CPPED1: variants seen among roughly 807,000 people sequenced by gnomAD.
CPPED1 encodes the protein calcineurin like phosphoesterase domain containing 1.
Under a neutral mutation model 28.0 loss-of-function variants are expected in CPPED1, and 28 were observed. The ratio of observed to expected loss-of-function variants is 1.00; its 90% CI spans 0.74 to 1.37. The LOEUF is 1.37. Among genes scored for constraint, CPPED1 ranks in the 40% most tolerant of loss-of-function variants. CPPED1 has a pLI of 0.00. For synonymous variants in CPPED1, 198 were observed against 180.2 expected (o/e 1.10, Z -0.79); for missense variants, 504 against 416.5 (o/e 1.21, Z -1.83).
rs189241288 is a variant in CPPED1 at position 12,748,555 on chromosome 16, A to G, written c.289+32630T>C. Among the ~76,000 whole-genome samples, 3 of 152,312 alleles carry G rather than the reference A, an allele frequency of 2.0e-5. No individual in the cohort carries two copies. The East Asian group carries it at 5.8e-4, about 29-fold the overall frequency. On this transcript the variant is annotated intron_variant, in intron 2 of 3. Coordinates refer to ENST00000381774, the MANE Select transcript of CPPED1 (RefSeq NM_018340.3). ...CAAATTCTTTGGTTTCCCAGTGCAT[A>G]TAAAAGTTATATTTACACTCCGCTG... is the stretch of plus-strand genomic sequence containing the variant.
intron 2 of CPPED1, among the ~76,000 whole-genome samples, chr16:12,738,441 G>GCA (rs138060223): frequency 3.3e-5 from 5 of 150,790 alleles, no homozygotes; most frequent in African/African-American, 4.9e-5. Context: ...ACACACTCGC[G>GCA]CACACACACA....
At chr16:12,801,845 A>T (rs1026665053) in intron 1 of CPPED1, among the ~76,000 whole-genome samples, 1 of 152,196 alleles carries the variant, frequency 6.6e-6, no homozygotes, top group African/African-American at 2.4e-5. Flanking sequence ...ACCCAAGGTT[A>T]GAAAAGCAGA....
At chr16:12,706,038 C>T (rs180806396) in intron 2 of CPPED1, among the ~76,000 whole-genome samples, 145 of 152,126 alleles carry the variant, frequency 9.5e-4, no homozygotes, top group African/African-American at 3.4e-3. Context: ...CATTGTTAGA[C>T]GTGTAAGAGT....
intron 2 of CPPED1, among the ~76,000 whole-genome samples, chr16:12,776,342 C>T (rs1288180180): frequency 6.6e-6 from 1 of 152,206 alleles, no homozygotes; most frequent in Non-Finnish European, 1.5e-5. Context: ...TTTGATTCCA[C>T]TAAGTTGGTG....
rs551145822 is a variant in CPPED1, at chr16:12,770,171, T to C, written c.289+11014A>G. Among the ~76,000 whole-genome samples the C allele has an allele frequency of 1.7e-4, 26 of 152,304 alleles. No homozygotes were observed. In the South Asian group the frequency reaches 2.3e-3, roughly 13 times the overall value. On this transcript the variant is annotated intron_variant, in intron 2 of 3. Coordinates refer to ENST00000381774, the MANE Select transcript of CPPED1 (RefSeq NM_018340.3). Reference sequence around the variant, plus strand: ...TGGAAGAAAAGTCCTGGTCAGTCCCTGTCCCTGAGAGATGTTCCCCAGAGA... The same window carrying C: ...TGGAAGAAAAGTCCTGGTCAGTCCCCGTCCCTGAGAGATGTTCCCCAGAGA...
chr16:12,696,318 C>T (rs1202259718), intron 3 of CPPED1, among the ~76,000 whole-genome samples: 1 of 152,112 alleles, frequency 6.6e-6, no homozygotes, highest in Non-Finnish European at 1.5e-5. Flanking sequence ...GCCGGTCTAG[C>T]TAATGGATAA....
chr16:12,701,907 G>A (rs2080022726), intron 3 of CPPED1, among the ~76,000 whole-genome samples: 1 of 152,208 alleles, frequency 6.6e-6, no homozygotes, highest in Non-Finnish European at 1.5e-5. Flanking sequence ...ATGTCACTGA[G>A]AGTGGAATAA....
At chr16:12,737,957 G>C (rs1198643128) in intron 2 of CPPED1, among the ~76,000 whole-genome samples, 1 of 152,172 alleles carries the variant, frequency 6.6e-6, no homozygotes, top group African/African-American at 2.4e-5. Context: ...GTTCTACCAG[G>C]ACAAAGTCAT....
intron 2 of CPPED1, among the ~76,000 whole-genome samples, chr16:12,761,828 T>C (rs1345407009): frequency 6.6e-6 from 1 of 152,088 alleles, no homozygotes; most frequent in Non-Finnish European, 1.5e-5. Context: ...TTGGCCAACA[T>C]GGCAAAACCT....
At chr16:12,731,156 T>A (rs71386717) in intron 2 of CPPED1, among the ~76,000 whole-genome samples, 21 of 26,738 alleles carry the variant, frequency 7.9e-4, no homozygotes, top group East Asian at 1.9e-3. Context: ...AAAAAAAAAA[T>A]TTTTTTTTTT....
intron 2 of CPPED1, among the ~76,000 whole-genome samples, chr16:12,738,218 G>C (rs985900916): frequency 3.9e-5 from 6 of 152,170 alleles, no homozygotes; most frequent in Non-Finnish European, 7.4e-5. Flanking sequence ...ATAATAAGGA[G>C]GTTGTTGATA....
intron 3 of CPPED1, among the ~76,000 whole-genome samples, chr16:12,669,691 G>T (rs1310969810): frequency 6.6e-6 from 1 of 152,136 alleles, no homozygotes; most frequent in Non-Finnish European, 1.5e-5. Context: ...TCAGCTGAGA[G>T]CCCCTAGAAG....
At chr16:12,772,103 A>G (rs1167049304) in intron 2 of CPPED1, among the ~76,000 whole-genome samples, 1 of 152,202 alleles carries the variant, frequency 6.6e-6, no homozygotes, top group Non-Finnish European at 1.5e-5. Context: ...AGCCTGGGCA[A>G]CAGAACAAGA....
At chr16:12,724,730 T>C (rs2080160262) in intron 2 of CPPED1, among the ~76,000 whole-genome samples, 1 of 152,232 alleles carries the variant, frequency 6.6e-6, no homozygotes, top group East Asian at 1.9e-4. Flanking sequence ...CATGCCATTT[T>C]GCAAGAGAAT....
intron 1 of CPPED1, among the ~76,000 whole-genome samples, chr16:12,793,393 A>C (rs958544487): frequency 3.9e-5 from 6 of 152,098 alleles, no homozygotes; most frequent in African/African-American, 7.2e-5. Flanking sequence ...CCATGCTGAC[A>C]ACAGACTTTG....
At chr16:12,685,557 C>T (rs1452462837) in intron 3 of CPPED1, among the ~76,000 whole-genome samples, 1 of 152,228 alleles carries the variant, frequency 6.6e-6, no homozygotes, top group Non-Finnish European at 1.5e-5. Flanking sequence ...ACACTGTCTA[C>T]TGCATGCCGG....
At chr16:12,722,326 C>T (rs1390936951) in intron 2 of CPPED1, among the ~76,000 whole-genome samples, 1 of 152,166 alleles carries the variant, frequency 6.6e-6, no homozygotes, top group Non-Finnish European at 1.5e-5. Context: ...AGATGCCGAG[C>T]AGTTAGTTGC....
At chr16:12,701,660 G>A (rs934288242) in intron 3 of CPPED1, among the ~76,000 whole-genome samples, 11 of 152,218 alleles carry the variant, frequency 7.2e-5, no homozygotes, top group Non-Finnish European at 1.2e-4. Flanking sequence ...TGGGGGTGGA[G>A]GGAAGCCTCA....
intron 2 of CPPED1, among the ~76,000 whole-genome samples, chr16:12,742,285 C>T (rs1015610264): frequency 2.6e-5 from 4 of 152,114 alleles, no homozygotes; most frequent in East Asian, 1.9e-4. Context: ...GGTTGCATAG[C>T]GTGACATGTT....
Sources: gnomAD v4.1 joint callset for allele counts (sites outside exome capture counted in the v4.1 genomes callset) on GRCh38, gnomAD v4.1.1 for gene constraint, MANE v1.5 for transcripts, NCBI Gene and HGNC (gene_info 2026-07-23, HGNC 2026-07-21) for gene names.